Variants in ZNF804B observed in about 807,000 individuals in gnomAD.
ZNF804B encodes zinc finger 804B.
ZNF804B carries 80 observed loss-of-function variants against 101.4 expected under a neutral mutation model. The ratio of observed to expected loss-of-function variants is 0.79; its 90% confidence interval spans 0.66 to 0.95. The LOEUF (loss-of-function observed/expected upper bound fraction) is 0.95, where lower values mean the gene tolerates loss of function less well. Among genes scored for constraint, ZNF804B ranks in the 40% least tolerant of loss-of-function variants. The pLI is 0.00. For synonymous variants in ZNF804B, 622 were observed against 558.8 expected, an observed-to-expected ratio of 1.11 and a Z score of -1.59; for missense variants, 1,673 against 1,561.9, an observed-to-expected ratio of 1.07 and a Z score of -1.20.
intron 1 of ZNF804B, among the ~76,000 whole-genome samples, chr7:89,146,640 A>G (rs1790793666): frequency 6.6e-6 from 1 of 152,076 alleles, no homozygotes; most frequent in African/African-American, 2.4e-5. Context: ...AATATTCAGA[A>G]TAACTGTAAA....
chr7:89,313,140 T>G (rs1345864143), intron 2 of ZNF804B, among the ~76,000 whole-genome samples: 1 of 152,220 alleles, frequency 6.6e-6, no homozygotes, highest in East Asian at 1.9e-4. Flanking sequence ...TATTTTTCCT[T>G]ACTCTTAGGA....
At chr7:88,906,003 G>C (rs902399129) in intron 1 of ZNF804B, among the ~76,000 whole-genome samples, 7 of 148,226 alleles carry the variant, frequency 4.7e-5, no homozygotes, top group Non-Finnish European at 4.4e-5. Context: ...GATTAAATCT[G>C]GAAGATTGTG....
At chr7:89,051,122 A>G (rs1409705396) in intron 1 of ZNF804B, among the ~76,000 whole-genome samples, 1 of 152,074 alleles carries the variant, frequency 6.6e-6, no homozygotes, top group Non-Finnish European at 1.5e-5. Flanking sequence ...ATAAACCTTC[A>G]GATTACTTTT....
At chr7:89,213,474 C>T (rs989671546) in intron 1 of ZNF804B, among the ~76,000 whole-genome samples, 1 of 152,166 alleles carries the variant, frequency 6.6e-6, no homozygotes, top group Non-Finnish European at 1.5e-5. Context: ...GATTTCTTCC[C>T]TTTCTTTTCC....
chr7:89,099,227 C>T lies in ZNF804B; in HGVS notation c.109-118928C>T, dbSNP rs1054630222. Among the ~76,000 whole-genome samples, 3 of 152,042 alleles carry T rather than the reference C, an allele frequency of 2.0e-5. No individual in the cohort carries two copies. In the South Asian group the frequency reaches 6.2e-4, roughly 32 times the overall value. On this transcript the variant is annotated intron_variant, in intron 1 of 3. Coordinates refer to ENST00000333190, the MANE Select transcript of ZNF804B (RefSeq NM_181646.5). ...AGAAGGTGAGATTACAGAGCTAAAA[C>T]CTGTGGAACTTCCAACTCACTACTA...
intron 1 of ZNF804B, among the ~76,000 whole-genome samples, chr7:89,203,346 G>C (rs1477497367): frequency 6.6e-6 from 1 of 152,130 alleles, no homozygotes. Context: ...ACTTCTTTTT[G>C]AGGTTTTCTG....
chr7:89,044,650 G>C (rs1329431658), intron 1 of ZNF804B, among the ~76,000 whole-genome samples: 1 of 152,136 alleles, frequency 6.6e-6, no homozygotes, highest in African/African-American at 2.4e-5. Flanking sequence ...TTGGGAACTG[G>C]AGTAAAAATG....
intron 1 of ZNF804B, among the ~76,000 whole-genome samples, chr7:89,068,908 C>T (rs1789495240): frequency 6.6e-6 from 1 of 152,108 alleles, no homozygotes; most frequent in Non-Finnish European, 1.5e-5. Context: ...GTCTTCAAGG[C>T]TAGAACTGAG....
Position 88,807,653 on chromosome 7 carries a change from A to T in ZNF804B, c.108+47569A>T, listed in dbSNP as rs564985439. Among the ~76,000 whole-genome samples, 14 of 152,242 alleles carry T rather than the reference A, an allele frequency of 9.2e-5. 1 individual carries two copies. The highest frequency in any genetic ancestry group is 3.4e-4 in the African/African-American group (14 of 41,540). On this transcript the variant is annotated intron_variant, in intron 1 of 3. Transcript: ENST00000333190. ...CAGTGTCTTTTTATTCATGCCATAG[A>T]TAAAACTAGAGCACTCCTATGTTGG...
At chr7:88,824,406 C>T (rs1791026688) in intron 1 of ZNF804B, among the ~76,000 whole-genome samples, 1 of 152,130 alleles carries the variant, frequency 6.6e-6, no homozygotes, top group African/African-American at 2.4e-5. Context: ...GACATGCTTC[C>T]TGTTCCTTCC....
intron 2 of ZNF804B, among the ~76,000 whole-genome samples, chr7:89,256,762 A>T (rs1584087030): frequency 6.6e-6 from 1 of 152,270 alleles, no homozygotes; most frequent in Admixed American, 6.5e-5. Context: ...ATTACATGAA[A>T]GTTAAGTGAG....
rs140740949 is a variant in ZNF804B, at chr7:88,775,343, C to T, written c.108+15259C>T. ...GGTTGGCTCAGAGGCCGAGGGGCAA[C>T]AAGAAAGCAAAGGCTGATAGGTGAG... On this transcript the variant is annotated intron_variant, in intron 1 of 3. Coordinates refer to ENST00000333190, the MANE Select transcript of ZNF804B (RefSeq NM_181646.5). Among the ~76,000 whole-genome samples, 295 of 152,234 alleles carry T rather than the reference C, an allele frequency of 1.9e-3. 1 individual carries two copies. Among genetic ancestry groups the T allele is most frequent in the African/African-American group, 6.8e-3 (284 of 41,542 alleles).
At chr7:88,845,623 C>A (rs138396631) in intron 1 of ZNF804B, among the ~76,000 whole-genome samples, 2 of 151,750 alleles carry the variant, frequency 1.3e-5, no homozygotes, top group Admixed American at 1.3e-4. Context: ...TGTTTTTCTG[C>A]CAAGAAAAAT....
intron 2 of ZNF804B, among the ~76,000 whole-genome samples, chr7:89,254,350 A>G (rs1789591969): frequency 6.6e-6 from 1 of 152,062 alleles, no homozygotes; most frequent in Non-Finnish European, 1.5e-5. Context: ...AAAGAAAATT[A>G]CAATAACATC....
chr7:88,914,987 T>TA (rs1442391054), intron 1 of ZNF804B, among the ~76,000 whole-genome samples: 1 of 152,160 alleles, frequency 6.6e-6, no homozygotes, highest in Non-Finnish European at 1.5e-5. Flanking sequence ...AATCTATTTT[T>TA]AAAAAACTTA....
At chr7:89,030,034 G>T (rs1562865061) in intron 1 of ZNF804B, among the ~76,000 whole-genome samples, 4 of 152,150 alleles carry the variant, frequency 2.6e-5, no homozygotes, top group African/African-American at 9.7e-5. Flanking sequence ...AGTCATGACT[G>T]TGTTATAAAA....
chr7:88,889,997 A>G (rs1324918526), intron 1 of ZNF804B, among the ~76,000 whole-genome samples: 5 of 152,168 alleles, frequency 3.3e-5, no homozygotes, highest in African/African-American at 7.2e-5. Flanking sequence ...ACATGTGGCT[A>G]GCCAGGTAAC....
chr7:88,951,891 A>G (rs1793229369), intron 1 of ZNF804B, among the ~76,000 whole-genome samples: 1 of 151,886 alleles, frequency 6.6e-6, no homozygotes, highest in African/African-American at 2.4e-5. Context: ...AAATATATAA[A>G]CACTAAAAAA....
intron 1 of ZNF804B, among the ~76,000 whole-genome samples, chr7:88,934,896 T>C (rs1792943351): frequency 6.6e-6 from 1 of 151,730 alleles, no homozygotes; most frequent in Non-Finnish European, 1.5e-5. Context: ...CAGAGGAAAA[T>C]ATATTGTTAT....
Sources: allele counts gnomAD v4.1 joint callset (sites outside exome capture counted in the v4.1 genomes callset), GRCh38; gene constraint gnomAD v4.1.1; transcripts MANE v1.5; gene names NCBI Gene and HGNC (gene_info 2026-07-23, HGNC 2026-07-21).